Variants in PDIA5 observed in about 807,000 individuals in gnomAD.
PDIA5 encodes the protein protein disulfide-isomerase A5.
A neutral mutation model predicts 77.6 loss-of-function variants in PDIA5; 58 were observed. That is an observed-to-expected ratio of 0.75 (90% CI 0.61 to 0.93). PDIA5 has a LOEUF of 0.93. PDIA5 is among the 40% of genes least tolerant of loss of function. PDIA5 has a pLI of 0.00. For synonymous variants in PDIA5, 250 were observed against 252.1 expected, an observed-to-expected ratio of 0.99 and a Z score of 0.08; for missense variants, 630 against 647.7, an observed-to-expected ratio of 0.97 and a Z score of 0.30.
chr3:123,143,469 T>A (rs184791723), intron 11 of PDIA5, among the ~76,000 whole-genome samples: 2,122 of 149,906 alleles, frequency 0.014, 23 homozygotes, highest in Non-Finnish European at 0.022. Context: ...CAATATGTAA[T>A]AGGGCTACAA....
At chr3:123,067,969 G>A (rs902070082) in intron 1 of PDIA5, among the ~76,000 whole-genome samples, 2 of 152,166 alleles carry the variant, frequency 1.3e-5, no homozygotes, top group Non-Finnish European at 2.9e-5. Flanking sequence ...GAAAAGGAGT[G>A]GACTCCAAGA....
chr3:123,159,172 A>T (rs870429), intron 15 of PDIA5, among the ~76,000 whole-genome samples: 6 of 152,092 alleles, frequency 3.9e-5, no homozygotes, highest in African/African-American at 1.4e-4. Flanking sequence ...AGCCATGTTC[A>T]TCCAGCACTT....
chr3:123,098,847 G>A (rs769904528), intron 3 of PDIA5, among the ~76,000 whole-genome samples: 7 of 152,192 alleles, frequency 4.6e-5, no homozygotes, highest in Non-Finnish European at 7.4e-5. Flanking sequence ...AAAGCATCTC[G>A]TTTTCCTGCT....
chr3:123,125,803 C>T (rs1231150130), intron 10 of PDIA5, among the ~76,000 whole-genome samples: 2 of 152,218 alleles, frequency 1.3e-5, no homozygotes, highest in Non-Finnish European at 2.9e-5. Context: ...AGCATTCTCA[C>T]ATCTCTGTCC....
chr3:123,086,439 G>A (rs1010948969), intron 1 of PDIA5, among the ~76,000 whole-genome samples: 1 of 152,182 alleles, frequency 6.6e-6, no homozygotes, highest in African/African-American at 2.4e-5. Context: ...AGGCTGAGAA[G>A]GCGTGACTCA....
intron 1 of PDIA5, among the ~76,000 whole-genome samples, chr3:123,070,287 GT>G (rs1429083827): frequency 6.6e-6 from 1 of 152,126 alleles, no homozygotes; most frequent in Non-Finnish European, 1.5e-5. Context: ...AAATCTGAGG[GT>G]GGCTGAAGTT....
intron 10 of PDIA5, among the ~76,000 whole-genome samples, chr3:123,130,023 C>G (rs1035760339): frequency 2.6e-5 from 4 of 152,220 alleles, no homozygotes; most frequent in African/African-American, 9.6e-5. Context: ...TCCTCACCCC[C>G]TCCTCTCTGT....
At chr3:123,147,661 C>A (rs555713782) in intron 13 of PDIA5, among the ~76,000 whole-genome samples, 6 of 152,298 alleles carry the variant, frequency 3.9e-5, no homozygotes, top group African/African-American at 1.2e-4. Flanking sequence ...TCCTGCTCAT[C>A]CACTGGGAGG....
At chr3:123,096,398 C>T (rs534954355) in intron 3 of PDIA5, among the ~76,000 whole-genome samples, 33 of 152,012 alleles carry the variant, frequency 2.2e-4, no homozygotes, top group Admixed American at 2.6e-4. Flanking sequence ...CATGTTGCCC[C>T]GGCTGGTCTT....
At chr3:123,067,507 A>C in intron 1 of PDIA5, 1 of 359,316 alleles carries the variant, frequency 2.8e-6, no homozygotes, top group Non-Finnish European at 5.0e-6. Context: ...GTCGGGGCAC[A>C]GCCGGTCGGG....
In PDIA5 at chr3:123,161,466, G is replaced by A. The variant is rs35163300; in HGVS notation, c.1479+11G>A. On this transcript the variant is annotated intron_variant, in intron 16 of 16. Transcript: ENST00000316218. ...GACAGCGACCGCACAGTAAGTGGGGGAGAGGCGTCTGCCCAGAGCTCTCTC... is the reference window on the plus strand; with the variant it reads ...GACAGCGACCGCACAGTAAGTGGGGAAGAGGCGTCTGCCCAGAGCTCTCTC... The A allele has an allele frequency of 4.9e-3, 7,865 of 1,612,630 alleles. 32 individuals carry two copies. Among genetic ancestry groups the A allele is most frequent in the Non-Finnish European group, 5.4e-3 (6,327 of 1,179,372 alleles).
intron 5 of PDIA5, among the ~76,000 whole-genome samples, chr3:123,104,683 C>T (rs986446499): frequency 6.6e-6 from 1 of 152,224 alleles, no homozygotes; most frequent in Admixed American, 6.5e-5. Context: ...GCACATACTC[C>T]CCAAATCCTT....
rs184595569 is a variant in PDIA5 at position 123,094,440 on chromosome 3, C to A, written c.257+1998C>A. ...AGGCCACTCTAGGCGGCAGCTGTCACGAACCACTGTTAGAAAAGGAGATCT... is the reference window on the plus strand; with the variant it reads ...AGGCCACTCTAGGCGGCAGCTGTCAAGAACCACTGTTAGAAAAGGAGATCT... On this transcript the variant is annotated intron_variant, in intron 3 of 16. Coordinates refer to ENST00000316218, the MANE Select transcript of PDIA5 (RefSeq NM_006810.4). Among the ~76,000 whole-genome samples, 9 of 152,328 alleles carry A rather than the reference C, an allele frequency of 5.9e-5. No homozygotes were observed. In the South Asian group the frequency reaches 6.2e-4, roughly 11 times the overall value.
chr3:123,153,636 C>T (rs1576467170), intron 14 of PDIA5, among the ~76,000 whole-genome samples: 1 of 152,232 alleles, frequency 6.6e-6, no homozygotes, highest in Non-Finnish European at 1.5e-5. Flanking sequence ...CTGCATGAGA[C>T]TTGGCAAAGC....
chr3:123,108,277 A>T (rs977565928), intron 6 of PDIA5, among the ~76,000 whole-genome samples: 1 of 143,636 alleles, frequency 7.0e-6, no homozygotes, highest in Middle Eastern at 3.4e-3. Flanking sequence ...CATCTTGAAG[A>T]TGTCTTTTTT....
At chr3:123,116,142 G>A in intron 7 of PDIA5, 89 bp from the exon 8 acceptor site, 10 of 1,006,318 alleles carry the variant, frequency 9.9e-6, no homozygotes, top group Non-Finnish European at 1.6e-5. Context: ...TGCTTGTTGG[G>A]TAGAGGATGG....
intron 14 of PDIA5, among the ~76,000 whole-genome samples, chr3:123,150,661 C>T (rs1464434679): frequency 1.3e-5 from 2 of 152,078 alleles, no homozygotes; most frequent in Non-Finnish European, 2.9e-5. Context: ...CCTCCATGCC[C>T]CTGTCCCCTA....
At chr3:123,114,619 C>T (rs1934949478) in intron 7 of PDIA5, among the ~76,000 whole-genome samples, 1 of 152,232 alleles carries the variant, frequency 6.6e-6, no homozygotes, top group Non-Finnish European at 1.5e-5. Context: ...GTTTTCCACC[C>T]GGTGCATTTC....
chr3:123,113,905 ATAAT>A lies in PDIA5; in HGVS notation c.542-2323_542-2320del, dbSNP rs766143142. On this transcript the variant is annotated intron_variant, in intron 7 of 16. Transcript: ENST00000316218. ...CTCTGACTTTTGAGGTTTGAGAATG[ATAAT>A]TAGTCTTACCTCTCCCCCTGCCTCC... is the stretch of plus-strand genomic sequence containing the variant. Among the ~76,000 whole-genome samples the A allele has an allele frequency of 3.9e-5, 6 of 152,340 alleles. No homozygotes were observed. The South Asian group carries it at 1.2e-3, about 32-fold the overall frequency.
Sources: allele counts gnomAD v4.1 joint callset (sites outside exome capture counted in the v4.1 genomes callset), GRCh38; gene constraint gnomAD v4.1.1; transcripts MANE v1.5; gene names NCBI Gene and HGNC (gene_info 2026-07-23, HGNC 2026-07-21).